Variants in ANKFN1 observed in about 807,000 individuals in gnomAD.
The protein encoded by ANKFN1 is ankyrin repeat and fibronectin type-III domain-containing protein 1.
A neutral mutation model predicts 108.7 loss-of-function variants in ANKFN1; 74 were observed. The observed-to-expected ratio is 0.68, with a 90% CI of 0.56 to 0.83. The LOEUF (loss-of-function observed/expected upper bound fraction) is 0.83, where lower values mean the gene tolerates loss of function less well. Ranked by LOEUF, ANKFN1 falls within the 40% of genes least tolerant of loss-of-function variation. ANKFN1 has a pLI of 0.00. For missense variants in ANKFN1, 1,505 were observed against 1,382.3 expected (o/e 1.09, Z -1.41); for synonymous variants, 547 against 516.2 (o/e 1.06, Z -0.81).
chr17:56,307,612 A>G (rs940436348), intron 3 of ANKFN1, among the ~76,000 whole-genome samples: 12 of 152,152 alleles, frequency 7.9e-5, no homozygotes, highest in Admixed American at 6.5e-4. Flanking sequence ...AAATAGGAAC[A>G]CTTTTACACT....
chr17:56,321,687 T>C (rs1258603864), intron 3 of ANKFN1, among the ~76,000 whole-genome samples: 3 of 152,210 alleles, frequency 2.0e-5, no homozygotes, highest in African/African-American at 7.2e-5. Context: ...TTTGGCCTAA[T>C]TTTGCAAGTA....
intron 6 of ANKFN1, among the ~76,000 whole-genome samples, chr17:56,358,098 C>T (rs957827555): frequency 6.6e-6 from 1 of 152,166 alleles, no homozygotes; most frequent in Non-Finnish European, 1.5e-5. Context: ...TTTTGGCTCT[C>T]CATCTGCTCC....
rs1192020741 is a variant in ANKFN1 at position 56,227,905 on chromosome 17, T to C, written c.13-12T>C. 1.2e-6 allele frequency: 2 copies of C among 1,601,088 alleles called. No individual in the cohort carries two copies. The highest frequency in any genetic ancestry group is 3.5e-5 in the Admixed American group (2 of 57,606). On this transcript the variant is annotated splice_polypyrimidine_tract_variant and intron_variant, in intron 2 of 20. Coordinates refer to ENST00000682825, the MANE Select transcript of ANKFN1 (RefSeq NM_001370326.1). ...AATTTTTTAACATTCTTTTTTTCTT[T>C]CTTTGTTTCAGAGGCTACTCTTTAA...
At chr17:56,199,490 C>T (rs1224884492) in intron 1 of ANKFN1, among the ~76,000 whole-genome samples, 1 of 152,120 alleles carries the variant, frequency 6.6e-6, no homozygotes, top group Non-Finnish European at 1.5e-5. Flanking sequence ...ACTTCCAGAA[C>T]AATATGAAAT....
chr17:56,059,956 A>T (rs1048364328), intron 4 of ANKFN1, among the ~76,000 whole-genome samples: 2 of 152,044 alleles, frequency 1.3e-5, no homozygotes, highest in Non-Finnish European at 2.9e-5. Flanking sequence ...TTTTTTTCTA[A>T]TTCTGTGAAG....
intron 1 of ANKFN1, among the ~76,000 whole-genome samples, chr17:56,190,288 C>A (rs547513436): frequency 4.4e-5 from 6 of 135,998 alleles, no homozygotes; most frequent in Non-Finnish European, 9.3e-5. Context: ...TTTTCTAGTT[C>A]TTCTAATTGT....
chr17:56,130,109 G>T (rs933348992), intron 4 of ANKFN1, among the ~76,000 whole-genome samples: 1 of 152,158 alleles, frequency 6.6e-6, no homozygotes, highest in Non-Finnish European at 1.5e-5. Context: ...TTCGAACAAG[G>T]CTTTATTTTT....
At position 56,085,298 on chromosome 17, in the gene ANKFN1, G is replaced by C. The variant is rs1316667346; in HGVS notation, c.288+38973G>C. Among the ~76,000 whole-genome samples, 10 of 150,046 alleles carry C rather than the reference G, an allele frequency of 6.7e-5. 1 individual carries two copies. The highest frequency in any genetic ancestry group is 1.5e-4 in the Non-Finnish European group (10 of 67,426). On this transcript the variant is annotated intron_variant, in intron 4 of 12. Transcript: ENST00000635860. ...ATAACTAAGAGATGAGGTGATCGTA[G>C]ATTACCAGGTGAGTCCTAAACCCTT... is the stretch of plus-strand genomic sequence containing the variant.
chr17:56,479,747 T>C (rs1323237420), intron 16 of ANKFN1, among the ~76,000 whole-genome samples: 1 of 152,200 alleles, frequency 6.6e-6, no homozygotes, highest in Non-Finnish European at 1.5e-5. Context: ...GGTGGGAACA[T>C]ATGTCAGCAC....
At chr17:56,156,363 C>A (rs541089660) in intron 1 of ANKFN1, among the ~76,000 whole-genome samples, 1 of 152,318 alleles carries the variant, frequency 6.6e-6, no homozygotes, top group African/African-American at 2.4e-5. Flanking sequence ...GCTGGGATTG[C>A]AGGTGTGAGC....
intron 20 of ANKFN1, 102 bp downstream of exon 20, chr17:56,499,200 G>T: frequency 8.8e-7 from 1 of 1,130,818 alleles, no homozygotes; most frequent in South Asian, 1.5e-5. Context: ...CCAGAAAGTG[G>T]ATGAAAACAC....
chr17:56,425,260 T>C (rs2048525803), intron 8 of ANKFN1, among the ~76,000 whole-genome samples: 1 of 152,100 alleles, frequency 6.6e-6, no homozygotes, highest in Admixed American at 6.5e-5. Context: ...GAAAAGGTGG[T>C]TTTGGTGGGT....
chr17:56,118,340 C>T (rs963145001), intron 4 of ANKFN1, among the ~76,000 whole-genome samples: 1 of 152,158 alleles, frequency 6.6e-6, no homozygotes, highest in Non-Finnish European at 1.5e-5. Context: ...CAACATAGTA[C>T]ATTTCCAGCA....
chr17:56,489,804 C>T lies in ANKFN1; in HGVS notation c.2261-2383C>T, dbSNP rs1293020469. ...TTGTCACTTTCCAGCCAAGAGAGGA[C>T]ATCTGTCAAGTGCTAACAGGACATA... On this transcript the variant is annotated intron_variant, in intron 18 of 20. Transcript: ENST00000682825. Among the ~76,000 whole-genome samples, 5 of 152,118 alleles carry T rather than the reference C, an allele frequency of 3.3e-5. No homozygotes were observed. The East Asian group carries it at 9.7e-4, about 29-fold the overall frequency.
At chr17:56,152,281 T>C (rs1452115887), upstream of ANKFN1, among the ~76,000 whole-genome samples, 1 of 151,460 alleles carries the variant, frequency 6.6e-6, no homozygotes, top group Non-Finnish European at 1.5e-5. Flanking sequence ...TGTGTGTGTG[T>C]GTGTGTGTGT....
At chr17:56,344,231 G>T (rs987520608) in intron 4 of ANKFN1, among the ~76,000 whole-genome samples, 2 of 151,912 alleles carry the variant, frequency 1.3e-5, no homozygotes, top group Admixed American at 1.3e-4. Context: ...GTTCATTGTT[G>T]TTTAATGAGT....
chr17:56,100,638 AGAG>A, intron 4 of ANKFN1, among the ~76,000 whole-genome samples: 1 of 152,276 alleles, frequency 6.6e-6, no homozygotes, highest in Admixed American at 6.5e-5. Flanking sequence ...CCCTAGTGAG[AGAG>A]GAGATCAGAG....
chr17:56,401,216 T>C (rs2047751296), intron 8 of ANKFN1, among the ~76,000 whole-genome samples: 1 of 152,206 alleles, frequency 6.6e-6, no homozygotes, highest in African/African-American at 2.4e-5. Flanking sequence ...TACCCATCCA[T>C]GAGCATGGGA....
chr17:56,442,961 G>T (rs1213277886), intron 10 of ANKFN1, 28 bp downstream of exon 10: 9 of 1,608,804 alleles, frequency 5.6e-6, no homozygotes, highest in Non-Finnish European at 7.7e-6. Flanking sequence ...ACTCTCTCCA[G>T]CATGGTAACA....
Sources: gnomAD v4.1 joint callset for allele counts (sites outside exome capture counted in the v4.1 genomes callset) on GRCh38, gnomAD v4.1.1 for gene constraint, MANE v1.5 for transcripts, NCBI Gene and HGNC (gene_info 2026-07-23, HGNC 2026-07-21) for gene names.